The following DNAH6 variants were observed in gnomAD, a reference collection of about 807,000 sequenced individuals.
DNAH6 encodes the protein dynein axonemal heavy chain 6, also known as axonemal beta dynein heavy chain 6.
A neutral mutation model predicts 491.4 loss-of-function variants in DNAH6; 340 were observed. The observed-to-expected ratio is 0.69, with a 90% CI of 0.63 to 0.76. The LOEUF (loss-of-function observed/expected upper bound fraction) is 0.76. Among genes scored for constraint, DNAH6 ranks in the 30% least tolerant of loss-of-function variants. The pLI is 0.00. For missense variants in DNAH6, 4,443 were observed against 4,972.2 expected (o/e 0.89, Z 3.20); for synonymous variants, 1,603 against 1,686.1 (o/e 0.95, Z 1.21).
At chr2:84,688,688 G>T (rs947401336) in intron 45 of DNAH6, 95 bp downstream of exon 45, 2 of 990,848 alleles carry the variant, frequency 2.0e-6, no homozygotes, top group Middle Eastern at 2.9e-4. Flanking sequence ...CAAACAGATT[G>T]CTAGATGGTC....
chr2:84,605,822 G>A (rs970359228), intron 20 of DNAH6, among the ~76,000 whole-genome samples: 27 of 152,194 alleles, frequency 1.8e-4, no homozygotes, highest in Admixed American at 1.6e-3. Context: ...ACCTGTAGTT[G>A]GTAACTATTG....
the DNAH6 span, among the ~76,000 whole-genome samples, chr2:84,466,018 C>T: frequency 2.6e-5 from 4 of 152,290 alleles, no homozygotes; most frequent in South Asian, 6.2e-4. Context: ...TCAGATAAGA[C>T]TTTTTTAAAG....
At chr2:84,496,386 A>G in the DNAH6 span, among the ~76,000 whole-genome samples, 1 of 152,234 alleles carries the variant, frequency 6.6e-6, no homozygotes, top group Admixed American at 6.5e-5. Context: ...TTTTTCTTCT[A>G]TGTAGTTTCT....
At chr2:84,573,847 T>G (rs1267298423) in intron 12 of DNAH6, among the ~76,000 whole-genome samples, 2 of 152,220 alleles carry the variant, frequency 1.3e-5, no homozygotes, top group Non-Finnish European at 2.9e-5. Flanking sequence ...AGTTTAAAGT[T>G]GTATCAGTGC....
chr2:84,703,347 T>G (rs1191191170), intron 49 of DNAH6, 48 bp from the exon 50 acceptor site: 2 of 1,361,802 alleles, frequency 1.5e-6, no homozygotes, highest in African/African-American at 1.5e-5. Context: ...ACCAGTAAAC[T>G]TAGAGTTTAT....
Position 84,659,052 on chromosome 2 carries a change from A to G in DNAH6, c.5967A>G (p.Leu1989=). The change falls in exon 37 of 77, where the codon CTA becomes CTG. Residue 1989 remains leucine (L), a synonymous_variant. Transcript: ENST00000389394. ...AMEQTKLNTI[L]CQTFVFCYLW... is the part of the protein sequence containing the mutation. ...AACAAACAAAATTGAACACTATACTATGTCAGACTTTTGTATTCTGTTATT... is the reference window on the plus strand; with the variant it reads ...AACAAACAAAATTGAACACTATACTGTGTCAGACTTTTGTATTCTGTTATT... 6.8e-7 allele frequency: 1 copy of G among 1,468,324 alleles called. No homozygotes were observed. Among genetic ancestry groups the G allele is most frequent in the Non-Finnish European group, 9.3e-7 (1 of 1,079,160 alleles). 91.0% of individuals were successfully genotyped at this position (1,468,324 alleles called of 1,614,324 possible).
intron 64 of DNAH6, among the ~76,000 whole-genome samples, chr2:84,769,384 G>A (rs891318753): frequency 6.6e-6 from 1 of 152,214 alleles, no homozygotes; most frequent in African/African-American, 2.4e-5. Flanking sequence ...AAAAATAACA[G>A]TCTGGCAAAA....
chr2:84,784,468 A>G (rs1037383839), intron 65 of DNAH6, among the ~76,000 whole-genome samples: 2 of 152,238 alleles, frequency 1.3e-5, no homozygotes, highest in African/African-American at 4.8e-5. Flanking sequence ...ATTAAAAATT[A>G]TCGTGTTCCT....
intron 23 of DNAH6, among the ~76,000 whole-genome samples, chr2:84,618,950 G>A (rs920329444): frequency 1.3e-5 from 2 of 152,160 alleles, no homozygotes; most frequent in Admixed American, 6.6e-5. Flanking sequence ...ACAATGAAAC[G>A]TTATTTACAA....
chr2:84,673,588 G>A (rs1042020869), intron 40 of DNAH6, among the ~76,000 whole-genome samples: 8 of 152,324 alleles, frequency 5.3e-5, no homozygotes, highest in South Asian at 2.1e-4. Flanking sequence ...ACATGATCCC[G>A]ACGTCCCACA....
At chr2:84,706,395 T>A (rs894027145) in intron 52 of DNAH6, among the ~76,000 whole-genome samples, 1 of 152,230 alleles carries the variant, frequency 6.6e-6, no homozygotes, top group Non-Finnish European at 1.5e-5. Context: ...TTTCACACAG[T>A]TATCACATTT....
At chr2:84,514,561 G>C (rs1289658714), upstream of DNAH6, among the ~76,000 whole-genome samples, 1 of 152,156 alleles carries the variant, frequency 6.6e-6, no homozygotes, top group Admixed American at 6.5e-5. Context: ...TTCTTTAGCT[G>C]TGAAATGGGA....
At chr2:84,677,268 G>T in intron 41 of DNAH6, 132 bp downstream of exon 41, 1 of 1,192,726 alleles carries the variant, frequency 8.4e-7, no homozygotes. Context: ...CAGGAAGCAG[G>T]TAAATATGGA....
At position 84,546,800 on chromosome 2, in the gene DNAH6, C is replaced by A. The variant is rs149068487; in HGVS notation, c.931-468C>A. On this transcript the variant is annotated intron_variant, in intron 5 of 76. Transcript: ENST00000389394. ...GGGTCATTAGCAACTTTACGTTTAA[C>A]CTTTTGAGAAAACATGAAGCAGTTT... 1.4e-3 allele frequency among the ~76,000 whole-genome samples: 207 copies of A among 152,218 alleles called. 2 individuals carry two copies. The highest frequency in any genetic ancestry group is 4.6e-3 in the African/African-American group (191 of 41,548).
At chr2:84,558,153 C>T (rs1367466835) in intron 11 of DNAH6, among the ~76,000 whole-genome samples, 1 of 152,062 alleles carries the variant, frequency 6.6e-6, no homozygotes, top group Non-Finnish European at 1.5e-5. Context: ...TAGGGCCTGG[C>T]ACAGTGGCTC....
At chr2:84,637,088 A>G in intron 30 of DNAH6, 122 bp from the exon 31 acceptor site, 4 of 753,132 alleles carry the variant, frequency 5.3e-6, no homozygotes, top group African/African-American at 1.8e-5. Context: ...TTGTCCAACA[A>G]TGGTATTCAG....
chr2:84,610,273 G>GA (rs1686198318), intron 21 of DNAH6, among the ~76,000 whole-genome samples: 1 of 152,108 alleles, frequency 6.6e-6, no homozygotes, highest in African/African-American at 2.4e-5. Context: ...TAGCAAGGAA[G>GA]AAAAAGGATC....
the DNAH6 span, among the ~76,000 whole-genome samples, chr2:84,465,023 A>G: frequency 2.6e-5 from 4 of 152,088 alleles, no homozygotes; most frequent in African/African-American, 9.7e-5. Flanking sequence ...GCAAAGATCC[A>G]TATTCTCTAA....
At chr2:84,478,733 T>A in the DNAH6 span, among the ~76,000 whole-genome samples, 2 of 152,160 alleles carry the variant, frequency 1.3e-5, no homozygotes, top group African/African-American at 4.8e-5. Flanking sequence ...CTGTTTGTTA[T>A]AGGCCCAACA....
Sources: allele counts gnomAD v4.1 joint callset (sites outside exome capture counted in the v4.1 genomes callset), GRCh38; gene constraint gnomAD v4.1.1; transcripts MANE v1.5; gene names NCBI Gene and HGNC (gene_info 2026-07-23, HGNC 2026-07-21).